Variants in FBLN5 observed in about 807,000 individuals in gnomAD.
FBLN5 encodes the protein fibulin 5, also known as fibulin-5.
Under a neutral mutation model 61.6 loss-of-function variants are expected in FBLN5, and 24 were observed. That is an observed-to-expected ratio of 0.39 (90% CI 0.28 to 0.55). The LOEUF is 0.55. Among genes scored for constraint, FBLN5 ranks in the 20% least tolerant of loss-of-function variants. The pLI is 0.65. For missense variants in FBLN5, 470 were observed against 594.1 expected (o/e 0.79, Z 2.17); for synonymous variants, 213 against 219.8 (o/e 0.97, Z 0.27).
At chr14:91,902,280 TG>T (rs201002578) in intron 4 of FBLN5, among the ~76,000 whole-genome samples, 85,060 of 123,676 alleles carry the variant, frequency 0.69, 26,712 homozygotes, top group Non-Finnish European at 0.75. Flanking sequence ...TTTGTTTGTT[TG>T]TTTTTTTTTT....
intron 4 of FBLN5, among the ~76,000 whole-genome samples, chr14:91,932,534 G>A (rs999884654): frequency 3.9e-5 from 6 of 152,180 alleles, no homozygotes; most frequent in Non-Finnish European, 5.9e-5. Flanking sequence ...GTAAACCGCC[G>A]TGAAAGGGGA....
At chr14:91,937,922 ATATT>A (rs2056046215) in intron 3 of FBLN5, among the ~76,000 whole-genome samples, 3 of 152,378 alleles carry the variant, frequency 2.0e-5, no homozygotes, top group African/African-American at 7.2e-5. Flanking sequence ...AAATAAATGT[ATATT>A]TAAAGTCTTA....
chr14:91,875,327 G>A (rs1411933804), intron 10 of FBLN5, among the ~76,000 whole-genome samples: 1 of 152,146 alleles, frequency 6.6e-6, no homozygotes, highest in African/African-American at 2.4e-5. Flanking sequence ...GGAATGCAAG[G>A]AGCTGATGTT....
intron 4 of FBLN5, among the ~76,000 whole-genome samples, chr14:91,931,159 T>G (rs2055916310): frequency 1.3e-5 from 2 of 152,192 alleles, no homozygotes; most frequent in South Asian, 4.1e-4. Context: ...AAGGTGAGAC[T>G]CAAAGCCTGT....
Position 91,881,325 on chromosome 14 carries a change from C to T in FBLN5, c.956G>A (p.Arg319His), listed in dbSNP as rs766028324. Reference sequence around the variant, plus strand: ...GATCCTCAGATAAGGCTCCTCACAGCGGATGGGGTCAATGCATTTGAAGCC... The same window carrying T: ...GATCCTCAGATAAGGCTCCTCACAGTGGATGGGGTCAATGCATTTGAAGCC... ...QGGFKCIDPI[R>H]CEEPYLRISD... The change falls in exon 9 of 11, where the codon CGC becomes CAC. Residue 319 changes from arginine to histidine, a missense_variant. Coordinates refer to ENST00000342058, the MANE Select transcript of FBLN5 (RefSeq NM_006329.4). The T allele has an allele frequency of 2.2e-5, 35 of 1,613,992 alleles. No homozygotes were observed. Among genetic ancestry groups the T allele is most frequent in the Non-Finnish European group, 3.0e-5 (35 of 1,179,990 alleles).
rs1057203896 is a variant in FBLN5, at chr14:91,947,309, G to T, written c.-80C>A. On this transcript the variant is annotated 5_prime_UTR_variant, in exon 1 of 11. Transcript: ENST00000342058. This position sits in a 1 kb window ranked among gnomAD's most constrained non-coding sequence, Gnocchi z 4.3. ...ACCCCCGGAGGAGCTCGGGCACGTCGGCCTCCTCTGGGCCCTCGGGGCTCG... is the reference window on the plus strand; with the variant it reads ...ACCCCCGGAGGAGCTCGGGCACGTCTGCCTCCTCTGGGCCCTCGGGGCTCG... 2.5e-5 allele frequency: 39 copies of T among 1,542,360 alleles called. No homozygotes were observed. In the African/African-American group the frequency reaches 5.0e-4, roughly 20 times the overall value.
At chr14:91,930,065 G>T (rs1337703498) in intron 4 of FBLN5, among the ~76,000 whole-genome samples, 1 of 152,132 alleles carries the variant, frequency 6.6e-6, no homozygotes, top group African/African-American at 2.4e-5. Flanking sequence ...ATTCCCAGAA[G>T]AAAGAATAAA....
At chr14:91,927,763 A>G (rs1043163538) in intron 4 of FBLN5, among the ~76,000 whole-genome samples, 1 of 152,262 alleles carries the variant, frequency 6.6e-6, no homozygotes, top group Non-Finnish European at 1.5e-5. Flanking sequence ...CACTTTTGCC[A>G]GACCAGAGCT....
chr14:91,935,819 T>C (rs985215529), intron 4 of FBLN5, among the ~76,000 whole-genome samples: 10 of 152,224 alleles, frequency 6.6e-5, no homozygotes, highest in African/African-American at 2.4e-4. Flanking sequence ...CTCATTCCCT[T>C]TGCACAGTCA....
chr14:91,887,133 C>T, intron 7 of FBLN5, 60 bp downstream of exon 7: 1 of 1,603,164 alleles, frequency 6.2e-7, no homozygotes. Context: ...AGCCCTTGCC[C>T]TTCAACCCCT....
At chr14:91,880,493 G>A (rs969321851) in intron 9 of FBLN5, among the ~76,000 whole-genome samples, 3 of 151,696 alleles carry the variant, frequency 2.0e-5, no homozygotes, top group Non-Finnish European at 2.9e-5. Context: ...CATGAGTAGC[G>A]GAGTGATAGA....
intron 4 of FBLN5, among the ~76,000 whole-genome samples, chr14:91,896,942 CTTCAGTAAAACG>C (rs1362236479): frequency 6.6e-6 from 1 of 152,176 alleles, no homozygotes; most frequent in Non-Finnish European, 1.5e-5. Flanking sequence ...GCTTTGTGAG[CTTCAGTAAAACG>C]TTCAACTGGG....
At chr14:91,911,660 T>C (rs1890946112) in intron 4 of FBLN5, among the ~76,000 whole-genome samples, 1 of 152,240 alleles carries the variant, frequency 6.6e-6, no homozygotes, top group Non-Finnish European at 1.5e-5. Flanking sequence ...ATAAGGCCTC[T>C]GAGGTCTCTT....
chr14:91,881,274 G>A lies in FBLN5; in HGVS notation c.989+18C>T. On this transcript the variant is annotated intron_variant, in intron 9 of 10. Coordinates refer to ENST00000342058, the MANE Select transcript of FBLN5 (RefSeq NM_006329.4). Reference sequence around the variant, plus strand: ...CCCTCATCAGGTTTCTATTCCCCAGGGGGACGCCGTGACTTACTTATCACT... The same window carrying A: ...CCCTCATCAGGTTTCTATTCCCCAGAGGGACGCCGTGACTTACTTATCACT... 6.2e-7 allele frequency: 1 copy of A among 1,613,898 alleles called. No homozygotes were observed. The highest frequency in any genetic ancestry group is 8.5e-7 in the Non-Finnish European group (1 of 1,179,890).
chr14:91,899,428 A>C (rs1192947846), intron 4 of FBLN5, among the ~76,000 whole-genome samples: 2 of 152,218 alleles, frequency 1.3e-5, no homozygotes, highest in East Asian at 3.8e-4. Context: ...CAGCTCTCCC[A>C]GAACCTGGAA....
Position 91,947,562 on chromosome 14 carries a change from T to G in FBLN5, c.-333A>C, listed in dbSNP as rs2056204281. ...GGGCCTCAGTCTGGACACAGCTGGT[T>G]CAGATTACAGCGCTCACCAACTGGC... On this transcript the variant is annotated 5_prime_UTR_variant, in exon 1 of 11. Coordinates refer to ENST00000342058, the MANE Select transcript of FBLN5 (RefSeq NM_006329.4). The surrounding 1 kb of genome is among the most constrained non-coding windows in gnomAD (Gnocchi z 4.3). 1 of 442,858 alleles carries G rather than the reference T, an allele frequency of 2.3e-6. No individual in the cohort carries two copies. Among genetic ancestry groups the G allele is most frequent in the East Asian group, 4.4e-5 (1 of 22,590 alleles). The allele number at this position is 442,858 out of a possible 1,614,324, so 27.4% of individuals were successfully genotyped here.
chr14:91,905,825 G>A (rs530017677), intron 4 of FBLN5, among the ~76,000 whole-genome samples: 12 of 152,066 alleles, frequency 7.9e-5, no homozygotes, highest in African/African-American at 2.4e-4. Context: ...TGATCTGCCC[G>A]CCTCGACCTC....
chr14:91,947,242 CGAG>C lies in FBLN5; in HGVS notation c.-16_-14del, dbSNP rs745468536. The C allele has an allele frequency of 1.9e-6, 3 of 1,614,080 alleles. No individual in the cohort carries two copies. Among genetic ancestry groups the C allele is most frequent in the East Asian group, 2.2e-5 (1 of 44,854 alleles). On this transcript the variant is annotated 5_prime_UTR_variant, in exon 1 of 11. Coordinates refer to ENST00000342058, the MANE Select transcript of FBLN5 (RefSeq NM_006329.4). The surrounding 1 kb of genome is among the most constrained non-coding windows in gnomAD (Gnocchi z 4.3). ...TTATTCCTGGCATGTCCAAGACGCGCGAGGAGGAGATGCGAAGGCGAGAAGAAA... is the reference window on the plus strand; with the variant it reads ...TTATTCCTGGCATGTCCAAGACGCGCGAGGAGATGCGAAGGCGAGAAGAAA...
chr14:91,915,698 A>AG (rs1235941732), intron 4 of FBLN5, among the ~76,000 whole-genome samples: 2 of 150,436 alleles, frequency 1.3e-5, no homozygotes, highest in Non-Finnish European at 3.0e-5. Context: ...AAAAAAAAAA[A>AG]AAAAAAAAAA....
Sources: gnomAD v4.1 joint callset for allele counts (sites outside exome capture counted in the v4.1 genomes callset) on GRCh38, gnomAD v4.1.1 for gene constraint, Gnocchi (gnomAD v3.1) non-coding constraint, MANE v1.5 for transcripts, NCBI Gene and HGNC (gene_info 2026-07-23, HGNC 2026-07-21) for gene names.